TCF7L1: variants seen among roughly 807,000 people sequenced by gnomAD.
TCF7L1 encodes the protein transcription factor 7-like 1.
In TCF7L1, 18 loss-of-function variants were observed where a neutral mutation model predicts 63.7. The ratio of observed to expected loss-of-function variants is 0.28; its 90% confidence interval spans 0.20 to 0.42. The LOEUF (loss-of-function observed/expected upper bound fraction) is 0.42, where lower values mean the gene tolerates loss of function less well. TCF7L1 is among the 10% of genes least tolerant of loss of function. The pLI is 1.00. For synonymous variants in TCF7L1, 355 were observed against 340.9 expected, an observed-to-expected ratio of 1.04 and a Z score of -0.46; for missense variants, 654 against 779.3, an observed-to-expected ratio of 0.84 and a Z score of 1.91.
Position 85,134,315 on chromosome 2 carries a change from G to A in TCF7L1, c.314-8G>A. 6.3e-7 allele frequency: 1 copy of A among 1,579,878 alleles called. No homozygotes were observed. The highest frequency in any genetic ancestry group is 8.6e-7 in the Non-Finnish European group (1 of 1,162,262). ...CTGGGCCTCACCTCGCCTTGGTCTT[G>A]TTCGCAGTGAGAAGGCCTCAGGACA... On this transcript the variant is annotated splice_region_variant and splice_polypyrimidine_tract_variant and intron_variant, in intron 2 of 11. Coordinates refer to ENST00000282111, the MANE Select transcript of TCF7L1 (RefSeq NM_031283.3). This position sits in a 1 kb window ranked among gnomAD's most constrained non-coding sequence, Gnocchi z 5.0.
chr2:85,154,134 A>G (rs6749105), intron 3 of TCF7L1, among the ~76,000 whole-genome samples: 224 of 152,296 alleles, frequency 1.5e-3, no homozygotes, highest in African/African-American at 5.2e-3. Flanking sequence ...GGTTTGTGCT[A>G]TGGACTTTCC....
At chr2:85,245,862 G>A (rs1174552379) in intron 3 of TCF7L1, among the ~76,000 whole-genome samples, 3 of 151,314 alleles carry the variant, frequency 2.0e-5, no homozygotes, top group Non-Finnish European at 4.4e-5. Flanking sequence ...ACCAACAGTT[G>A]CCCATAGACC....
chr2:85,308,518 C>T (rs1295080540), intron 11 of TCF7L1, among the ~76,000 whole-genome samples: 6 of 111,012 alleles, frequency 5.4e-5, no homozygotes, highest in Admixed American at 2.7e-4. Flanking sequence ...CTTCTTCCCT[C>T]GCTTTCTCCT....
intron 3 of TCF7L1, among the ~76,000 whole-genome samples, chr2:85,234,478 C>G (rs997712648): frequency 2.0e-5 from 3 of 152,118 alleles, no homozygotes; most frequent in African/African-American, 7.2e-5. Context: ...GGTAGAAACT[C>G]TGCCTGGTAA....
intron 3 of TCF7L1, among the ~76,000 whole-genome samples, chr2:85,170,143 T>C (rs1402126981): frequency 6.6e-6 from 1 of 152,204 alleles, no homozygotes; most frequent in Non-Finnish European, 1.5e-5. Flanking sequence ...GAATAGCTCC[T>C]GCAGCCCAGT....
At chr2:85,178,720 A>G (rs925661099) in intron 3 of TCF7L1, among the ~76,000 whole-genome samples, 1 of 152,184 alleles carries the variant, frequency 6.6e-6, no homozygotes, top group East Asian at 1.9e-4. Context: ...AAGTTGGTGC[A>G]GCCTCACTGA....
intron 3 of TCF7L1, among the ~76,000 whole-genome samples, chr2:85,158,017 G>A (rs188885706): frequency 8.0e-4 from 122 of 152,330 alleles, no homozygotes; most frequent in African/African-American, 2.9e-3. Flanking sequence ...GCTACATGGC[G>A]GACAGAGGAA....
intron 3 of TCF7L1, among the ~76,000 whole-genome samples, chr2:85,242,915 T>C (rs1680370614): frequency 6.6e-6 from 1 of 152,206 alleles, no homozygotes; most frequent in Non-Finnish European, 1.5e-5. Context: ...GGGCATGTTT[T>C]CCTTTCCTTT....
intron 3 of TCF7L1, among the ~76,000 whole-genome samples, chr2:85,189,011 T>G (rs1678990617): frequency 6.6e-6 from 1 of 152,238 alleles, no homozygotes; most frequent in Non-Finnish European, 1.5e-5. Context: ...TAATGTGATC[T>G]CAGAAGCAGA....
intron 3 of TCF7L1, among the ~76,000 whole-genome samples, chr2:85,198,359 C>G (rs1321176239): frequency 6.6e-6 from 1 of 152,186 alleles, no homozygotes. Flanking sequence ...ATCTCATGTG[C>G]ACTCCTTGAG....
In TCF7L1 at chr2:85,306,899, C is replaced by T. The variant is rs1201280095; in HGVS notation, c.1257+340C>T. Among the ~76,000 whole-genome samples, 1 of 152,162 alleles carries T rather than the reference C, an allele frequency of 6.6e-6. No individual in the cohort carries two copies. The highest frequency in any genetic ancestry group is 1.9e-4 in the East Asian group (1 of 5,178). On this transcript the variant is annotated intron_variant, in intron 10 of 11. Transcript: ENST00000282111. The surrounding 1 kb of genome is among the most constrained non-coding windows in gnomAD (Gnocchi z 4.3). ...CAGGATGGTCTCGAGCTCCTGACCT[C>T]GTGATCCGCCCACCTCGGCCTCCCA...
At chr2:85,283,273 C>CCCT (rs35750715) in intron 3 of TCF7L1, among the ~76,000 whole-genome samples, 2 of 151,050 alleles carry the variant, frequency 1.3e-5, no homozygotes, top group Admixed American at 6.6e-5. Context: ...TGTCCCCCCC[C>CCCT]CCAAAATGAC....
intron 3 of TCF7L1, among the ~76,000 whole-genome samples, chr2:85,232,803 T>C (rs752127915): frequency 6.6e-6 from 1 of 152,208 alleles, no homozygotes; most frequent in Non-Finnish European, 1.5e-5. Context: ...AATATATTCA[T>C]CTTTACCTTA....
chr2:85,260,837 T>A (rs1182668607), intron 3 of TCF7L1, among the ~76,000 whole-genome samples: 2 of 152,206 alleles, frequency 1.3e-5, no homozygotes, highest in African/African-American at 4.8e-5. Flanking sequence ...CCCCTTCTGA[T>A]AGAACAGGTG....
At chr2:85,294,717 T>A (rs1681804638) in intron 4 of TCF7L1, among the ~76,000 whole-genome samples, 1 of 152,110 alleles carries the variant, frequency 6.6e-6, no homozygotes, top group African/African-American at 2.4e-5. Context: ...CTCAAAAATA[T>A]TCATTGGAAT....
At chr2:85,163,865 T>C (rs1678347382) in intron 3 of TCF7L1, among the ~76,000 whole-genome samples, 1 of 152,150 alleles carries the variant, frequency 6.6e-6, no homozygotes, top group South Asian at 2.1e-4. Context: ...AGCAGTCCAA[T>C]TGGATTAGGG....
intron 4 of TCF7L1, among the ~76,000 whole-genome samples, chr2:85,285,732 C>T (rs902514172): frequency 6.6e-6 from 1 of 152,208 alleles, no homozygotes; most frequent in Non-Finnish European, 1.5e-5. Context: ...GCACCTCCCC[C>T]CAGTGCAGCC....
At chr2:85,195,452 C>T (rs1412872545) in intron 3 of TCF7L1, among the ~76,000 whole-genome samples, 1 of 152,172 alleles carries the variant, frequency 6.6e-6, no homozygotes, top group Non-Finnish European at 1.5e-5. Flanking sequence ...GACACTGTCT[C>T]AAAAATAAAT....
chr2:85,230,603 G>A (rs1019719178), intron 3 of TCF7L1, among the ~76,000 whole-genome samples: 1 of 152,160 alleles, frequency 6.6e-6, no homozygotes, highest in African/African-American at 2.4e-5. Context: ...TCAAAGTGCT[G>A]GGATTATAGG....
Sources: gnomAD v4.1 joint callset for allele counts (sites outside exome capture counted in the v4.1 genomes callset) on GRCh38, gnomAD v4.1.1 for gene constraint, Gnocchi (gnomAD v3.1) non-coding constraint, MANE v1.5 for transcripts, NCBI Gene and HGNC (gene_info 2026-07-23, HGNC 2026-07-21) for gene names.